The following KIF13A variants were observed in gnomAD, a reference collection of about 807,000 sequenced individuals.
KIF13A encodes the protein kinesin family member 13A.
Under a neutral mutation model 212.2 loss-of-function variants are expected in KIF13A, and 79 were observed. That is an observed-to-expected ratio of 0.37 (90% confidence interval 0.31 to 0.45). KIF13A has a LOEUF of 0.45. KIF13A is among the 20% of genes least tolerant of loss of function. The pLI is 1.00. For missense variants in KIF13A, 1,901 were observed against 2,209.0 expected (o/e 0.86, Z 2.79); for synonymous variants, 789 against 808.6 (o/e 0.98, Z 0.41).
intron 12 of KIF13A, 106 bp downstream of exon 12, chr6:17,833,855 C>CAA (rs11358140): frequency 0.018 from 6,567 of 362,788 alleles, 15 homozygotes; most frequent in South Asian, 0.026. Context: ...GACTCCGTCT[C>CAA]AAAAAAAAAA....
chr6:17,962,459 TG>T (rs1283277591), intron 2 of KIF13A, among the ~76,000 whole-genome samples: 1 of 152,026 alleles, frequency 6.6e-6, no homozygotes, highest in African/African-American at 2.4e-5. Flanking sequence ...GGAGAAAATT[TG>T]TGCAGGCAAG....
At chr6:17,841,437 T>C (rs529049532) in intron 9 of KIF13A, among the ~76,000 whole-genome samples, 1 of 152,226 alleles carries the variant, frequency 6.6e-6, no homozygotes, top group South Asian at 2.1e-4. Flanking sequence ...AAGATGCATA[T>C]GCTAATAAAA....
rs1562029485 is a variant in KIF13A at position 17,831,225 on chromosome 6, CGTT to C, written c.1274_1276del (p.Gln425del). On this transcript the variant is annotated inframe_deletion, in exon 13 of 39. Coordinates refer to ENST00000259711, the MANE Select transcript of KIF13A (RefSeq NM_022113.6). ...GGAAATCCCCATGCTTTCAAGTTGT[CGTT>C]GTCTTTCCTGTGCACAAAAACAGAC... The C allele has an allele frequency of 1.2e-6, 2 of 1,612,292 alleles. No individual in the cohort carries two copies. The highest frequency in any genetic ancestry group is 1.7e-6 in the Non-Finnish European group (2 of 1,179,396).
intron 2 of KIF13A, among the ~76,000 whole-genome samples, chr6:17,938,591 A>C (rs566921205): frequency 2.8e-4 from 43 of 152,258 alleles, no homozygotes; most frequent in Middle Eastern, 3.4e-3. Context: ...TCTAAAACAA[A>C]CTTCTTATAA....
At position 17,777,211 on chromosome 6, in the gene KIF13A, A is replaced by ATG; in HGVS notation, c.4170+65_4170+66insCA. On this transcript the variant is annotated intron_variant, in intron 34 of 38. Transcript: ENST00000259711. This position sits in a 1 kb window ranked among gnomAD's most constrained non-coding sequence, Gnocchi z 4.4. ...GCTCTACTGCCACTGTGTGAATCCC[A>ATG]CCTTCCCCCACCCCAGAGGCTGCGA... 7.7e-7 allele frequency: 1 copy of ATG among 1,304,434 alleles called. No homozygotes were observed. The highest frequency in any genetic ancestry group is 1.3e-5 in the South Asian group (1 of 79,930). The allele number at this position is 1,304,434 out of a possible 1,614,324, so 80.8% of individuals were successfully genotyped here.
chr6:17,831,147 A>G lies in KIF13A; in HGVS notation c.1355T>C (p.Leu452Pro), dbSNP rs1471287927. The change falls in exon 13 of 39, where the codon CTG becomes CCG. Residue 452 changes from leucine to proline, a missense_variant. Leu to Pro is a moderately conservative substitution (Grantham distance 98). Coordinates refer to ENST00000259711, the MANE Select transcript of KIF13A (RefSeq NM_022113.6). ...VGDDKCYLVNLNADPALNELL... is the reference protein window; with the variant it reads ...VGDDKCYLVNPNADPALNELL... ...TTCGTTAAGAGCAGGGTCTGCATTC[A>G]GATTGACTAAGTAGCATTTGTCATC... 2 of 1,613,818 alleles carry G rather than the reference A, an allele frequency of 1.2e-6. No individual in the cohort carries two copies. The highest frequency in any genetic ancestry group is 1.7e-6 in the Non-Finnish European group (2 of 1,179,822).
rs753456637 is a variant in KIF13A at position 17,828,305 on chromosome 6, A to G, written c.1467T>C (p.Pro489=). ...DIQLFGIGIQ[P]QHCEIDIASD... ...ATGCAATGTCAATCTCACAGTGCTG[A>G]GGCTGAATTCCTATGCCAAAAAGCT... The change falls in exon 14 of 39, where the codon CCT becomes CCC. Residue 489 remains proline (P), a synonymous_variant. Coordinates refer to ENST00000259711, the MANE Select transcript of KIF13A (RefSeq NM_022113.6). The surrounding 1 kb of genome is among the most constrained non-coding windows in gnomAD (Gnocchi z 4.3). 1.1e-5 allele frequency: 17 copies of G among 1,610,824 alleles called. No individual in the cohort carries two copies. The highest frequency in any genetic ancestry group is 1.4e-5 in the Non-Finnish European group (16 of 1,178,434).
intron 2 of KIF13A, among the ~76,000 whole-genome samples, chr6:17,966,739 T>G (rs1057144928): frequency 4.6e-5 from 7 of 152,220 alleles, no homozygotes; most frequent in Non-Finnish European, 5.9e-5. Context: ...TGTGTCTCAC[T>G]ACTTCAGCTT....
At position 17,777,308 on chromosome 6, in the gene KIF13A, C is replaced by T. The variant is rs757413284; in HGVS notation, c.4139G>A (p.Arg1380Gln). 144 of 1,613,234 alleles carry T rather than the reference C, an allele frequency of 8.9e-5. 2 individuals carry two copies. The Admixed American group carries it at 2.3e-3, about 26-fold the overall frequency. The change falls in exon 34 of 39, where the codon CGG becomes CAG. Residue 1380 changes from arginine to glutamine, a missense_variant. This residue lies in a region of KIF13A where 687 missense variants were observed against 759.1 expected (regional missense o/e 0.90). Transcript: ENST00000259711. The surrounding 1 kb of genome is among the most constrained non-coding windows in gnomAD (Gnocchi z 4.4). ...AACATTTGGTGTACTGAGGCTCCTC[C>T]GAATGTGCCGGGCTTTGGTGGAAAG... ...EALSTKARHI[R>Q]RSLSTPNVHN... is the part of the protein sequence containing the mutation.
In KIF13A at chr6:17,834,579, C is replaced by T. The variant is rs763348384; in HGVS notation, c.1156-508G>A. 9.2e-5 allele frequency among the ~76,000 whole-genome samples: 14 copies of T among 152,200 alleles called. No homozygotes were observed. Among genetic ancestry groups the T allele is most frequent in the Non-Finnish European group, 1.8e-4 (12 of 68,044 alleles). The stretch of plus-strand genomic sequence containing the variant: ...TTTTGTTATTTATCATTATCATTCA[C>T]CCAGAAGCAGCACAGCTGGCTAAAA... On this transcript the variant is annotated intron_variant, in intron 11 of 38. Transcript: ENST00000259711. The surrounding 1 kb of genome is among the most constrained non-coding windows in gnomAD (Gnocchi z 4.0).
chr6:17,779,742 AT>A (rs377678460), intron 31 of KIF13A, 58 bp from the exon 32 acceptor site: 36,846 of 451,714 alleles, frequency 0.082, 58 homozygotes, highest in South Asian at 0.11. Flanking sequence ...GTTATTTTGT[AT>A]TTTTTTTTTT....
intron 2 of KIF13A, among the ~76,000 whole-genome samples, chr6:17,965,710 C>A (rs1779241917): frequency 1.3e-5 from 2 of 152,180 alleles, no homozygotes; most frequent in African/African-American, 4.8e-5. Context: ...CAGGGTTGAT[C>A]TTGACCTTGT....
At chr6:17,780,628 GT>G (rs1760478704) in intron 31 of KIF13A, 101 bp downstream of exon 31, 2 of 1,096,958 alleles carry the variant, frequency 1.8e-6, no homozygotes, top group Non-Finnish European at 2.7e-6. Flanking sequence ...GGATGGTCAT[GT>G]TTTGCACATC....
chr6:17,777,722 T>A lies in KIF13A; in HGVS notation c.4093-368A>T, dbSNP rs1051281936. ...TTATTCTAATTATAAAAGTAACATA[T>A]GTTTATTTATAGATTTAAATATAGA... is the stretch of plus-strand genomic sequence containing the variant. On this transcript the variant is annotated intron_variant, in intron 33 of 38. Coordinates refer to ENST00000259711, the MANE Select transcript of KIF13A (RefSeq NM_022113.6). This position sits in a 1 kb window ranked among gnomAD's most constrained non-coding sequence, Gnocchi z 4.4. 6.6e-6 allele frequency among the ~76,000 whole-genome samples: 1 copy of A among 152,198 alleles called. No individual in the cohort carries two copies. Among genetic ancestry groups the A allele is most frequent in the Non-Finnish European group, 1.5e-5 (1 of 68,036 alleles).
At chr6:17,797,041 T>C (rs1179390956) in intron 22 of KIF13A, among the ~76,000 whole-genome samples, 1 of 151,684 alleles carries the variant, frequency 6.6e-6, no homozygotes, top group Non-Finnish European at 1.5e-5. Flanking sequence ...TTCTTTTTTT[T>C]TTTCTTGAGA....
At position 17,971,431 on chromosome 6, in the gene KIF13A, T is replaced by C. The variant is rs2150608897; in HGVS notation, c.146+15623A>G. 6.6e-6 allele frequency among the ~76,000 whole-genome samples: 1 copy of C among 150,592 alleles called. No homozygotes were observed. The highest frequency in any genetic ancestry group is 2.4e-5 in the African/African-American group (1 of 41,078). ...ATTTAGTAGCGGTTTGTTTTTTTCC[T>C]TTTTTTTTGACACAGGGTCTCACTC... is the stretch of plus-strand genomic sequence containing the variant. On this transcript the variant is annotated intron_variant, in intron 2 of 38. Coordinates refer to ENST00000259711, the MANE Select transcript of KIF13A (RefSeq NM_022113.6). The surrounding 1 kb of genome is among the most constrained non-coding windows in gnomAD (Gnocchi z 4.2).
intron 4 of KIF13A, among the ~76,000 whole-genome samples, chr6:17,866,886 CACAT>C (rs1210946744): frequency 7.0e-4 from 98 of 140,660 alleles, no homozygotes; most frequent in African/African-American, 2.4e-3. Context: ...TTTACACACA[CACAT>C]ATATATACAC....
rs776206759 is a variant in KIF13A at position 17,785,486 on chromosome 6, G to C, written c.3488+29C>G. ...ACAGGCGACCTGTACCATCTCCCCA[G>C]GTCTGCACAGAAGGGAGGGCAGCCT... On this transcript the variant is annotated intron_variant, in intron 28 of 38. Transcript: ENST00000259711. The surrounding 1 kb of genome is among the most constrained non-coding windows in gnomAD (Gnocchi z 5.8). The C allele has an allele frequency of 6.6e-7, 1 of 1,516,310 alleles. No individual in the cohort carries two copies. Among genetic ancestry groups the C allele is most frequent in the Non-Finnish European group, 8.8e-7 (1 of 1,136,534 alleles). The allele number at this position is 1,516,310 out of a possible 1,614,324, so 93.9% of individuals were successfully genotyped here.
At chr6:17,955,312 T>C (rs1778259307) in intron 2 of KIF13A, among the ~76,000 whole-genome samples, 3 of 143,216 alleles carry the variant, frequency 2.1e-5, no homozygotes, top group African/African-American at 8.3e-5. Context: ...CTGTTTTGAT[T>C]TAAATATAAC....
Sources: allele counts gnomAD v4.1 joint callset (sites outside exome capture counted in the v4.1 genomes callset), GRCh38; gene constraint gnomAD v4.1.1; regional missense constraint gnomAD v4.1.1; non-coding constraint Gnocchi (gnomAD v3.1); transcripts MANE v1.5; gene names NCBI Gene and HGNC (gene_info 2026-07-23, HGNC 2026-07-21).